Variants in STK4 observed in about 807,000 individuals in gnomAD.
STK4 encodes the protein serine/threonine-protein kinase 4.
In STK4, 30 loss-of-function variants were observed where a neutral mutation model predicts 64.9. That is an observed-to-expected ratio of 0.46 (90% CI 0.35 to 0.63). The LOEUF (loss-of-function observed/expected upper bound fraction) is 0.63. STK4 is among the 20% of genes least tolerant of loss of function. The pLI is 0.01. For missense variants in STK4, 466 were observed against 598.5 expected, an observed-to-expected ratio of 0.78 and a Z score of 2.31; for synonymous variants, 177 against 199.0, an observed-to-expected ratio of 0.89 and a Z score of 0.93.
At chr20:45,046,623 A>C (rs553166418) in intron 10 of STK4, among the ~76,000 whole-genome samples, 1 of 147,768 alleles carries the variant, frequency 6.8e-6, no homozygotes, top group Admixed American at 6.7e-5. Flanking sequence ...TCTGTTATCT[A>C]TTGTCTAATC....
intron 9 of STK4, among the ~76,000 whole-genome samples, chr20:45,002,407 C>G (rs1031144409): frequency 2.0e-5 from 3 of 152,138 alleles, no homozygotes; most frequent in Admixed American, 1.3e-4. Flanking sequence ...TTTAGCATGT[C>G]TAATGAGAAA....
At chr20:45,014,296 C>G (rs570578335) in intron 9 of STK4, among the ~76,000 whole-genome samples, 1 of 148,204 alleles carries the variant, frequency 6.7e-6, no homozygotes, top group Admixed American at 6.6e-5. Flanking sequence ...TGTAGTGGGG[C>G]GTGCCTGTAA....
At chr20:45,033,312 A>G (rs1464763251) in intron 10 of STK4, among the ~76,000 whole-genome samples, 1 of 152,108 alleles carries the variant, frequency 6.6e-6, no homozygotes, top group African/African-American at 2.4e-5. Flanking sequence ...TTCTGTTACA[A>G]TTGCTTTTGT....
chr20:45,068,847 A>T (rs2145480250), intron 10 of STK4, among the ~76,000 whole-genome samples: 1 of 152,372 alleles, frequency 6.6e-6, no homozygotes, highest in South Asian at 2.1e-4. Flanking sequence ...TGGTGAAGTA[A>T]TTAACATACT....
At chr20:45,038,524 C>T (rs2068562733) in intron 10 of STK4, among the ~76,000 whole-genome samples, 1 of 151,982 alleles carries the variant, frequency 6.6e-6, no homozygotes, top group African/African-American at 2.4e-5. Flanking sequence ...TTCTGCTACC[C>T]CTGCTCGTGT....
chr20:45,002,283 A>G (rs2067855674), intron 9 of STK4, among the ~76,000 whole-genome samples: 3 of 152,214 alleles, frequency 2.0e-5, no homozygotes, highest in African/African-American at 7.2e-5. Flanking sequence ...AATTGTGCCC[A>G]TTTTTATTTA....
intron 2 of STK4, among the ~76,000 whole-genome samples, chr20:44,977,308 T>A (rs1023339531): frequency 1.3e-5 from 2 of 152,256 alleles, no homozygotes; most frequent in African/African-American, 4.8e-5. Context: ...TACTTTCACA[T>A]TGAAACAGTT....
chr20:45,021,573 T>C (rs1198601199), intron 9 of STK4, among the ~76,000 whole-genome samples: 1 of 152,232 alleles, frequency 6.6e-6, no homozygotes, highest in Non-Finnish European at 1.5e-5. Flanking sequence ...ATCAGTCAGT[T>C]CATTCAGTTT....
chr20:44,981,693 G>T, intron 3 of STK4, 136 bp from the exon 4 acceptor site: 1 of 526,170 alleles, frequency 1.9e-6, no homozygotes, highest in Non-Finnish European at 3.3e-6. Context: ...TTCTTATCAG[G>T]AGGTTGTCCA....
intron 10 of STK4, among the ~76,000 whole-genome samples, chr20:45,041,770 C>T (rs944437954): frequency 2.6e-5 from 4 of 151,812 alleles, no homozygotes; most frequent in African/African-American, 9.7e-5. Flanking sequence ...ATAAAGCAGC[C>T]CCTAAGACTC....
At chr20:44,968,390 G>C (rs1304337264) in intron 1 of STK4, among the ~76,000 whole-genome samples, 1 of 152,206 alleles carries the variant, frequency 6.6e-6, no homozygotes, top group East Asian at 1.9e-4. Flanking sequence ...GCCCACCTTG[G>C]CTTCTCAAAG....
chr20:45,022,212 A>G (rs1408745216), intron 9 of STK4, among the ~76,000 whole-genome samples: 4 of 152,212 alleles, frequency 2.6e-5, no homozygotes, highest in African/African-American at 9.6e-5. Context: ...TCTAATACAT[A>G]TGTGCATTTT....
chr20:45,024,265 A>G (rs2068304131), intron 9 of STK4, among the ~76,000 whole-genome samples: 1 of 151,844 alleles, frequency 6.6e-6, no homozygotes, highest in Non-Finnish European at 1.5e-5. Context: ...TCCTACTACC[A>G]GAGATAAACC....
At chr20:45,027,484 A>T (rs991488031) in intron 10 of STK4, among the ~76,000 whole-genome samples, 3 of 151,850 alleles carry the variant, frequency 2.0e-5, no homozygotes, top group Admixed American at 6.6e-5. Flanking sequence ...AGTCACTTTA[A>T]TCCTTTTTAA....
In STK4 at chr20:45,043,448, A is replaced by G. The variant is rs527612475; in HGVS notation, c.1305+18318A>G. ...TCAGCGTTCAAATCCTGACTTCACCATTTGCTGAGTAGCTGTGGGCCACTT... is the reference window on the plus strand; with the variant it reads ...TCAGCGTTCAAATCCTGACTTCACCGTTTGCTGAGTAGCTGTGGGCCACTT... On this transcript the variant is annotated intron_variant, in intron 10 of 10. Coordinates refer to ENST00000372806, the MANE Select transcript of STK4 (RefSeq NM_006282.5). 7.9e-5 allele frequency among the ~76,000 whole-genome samples: 12 copies of G among 152,276 alleles called. No individual in the cohort carries two copies. The South Asian group carries it at 2.5e-3, about 32-fold the overall frequency.
Position 44,980,355 on chromosome 20 carries a change from T to G in STK4, c.246-1474T>G, listed in dbSNP as rs1055948665. On this transcript the variant is annotated intron_variant, in intron 3 of 10. Transcript: ENST00000372806. Reference sequence around the variant, plus strand: ...GGAAATTGTAAGAGTTCTGAGTTAATGAAGCCAATTTGGTTTTAACATCAG... The same window carrying G: ...GGAAATTGTAAGAGTTCTGAGTTAAGGAAGCCAATTTGGTTTTAACATCAG... 2.6e-5 allele frequency among the ~76,000 whole-genome samples: 4 copies of G among 152,240 alleles called. No homozygotes were observed. In the East Asian group the frequency reaches 7.7e-4, roughly 29 times the overall value.
At chr20:45,053,150 T>C in intron 10 of STK4, 1 of 1,612,834 alleles carries the variant, frequency 6.2e-7, no homozygotes, top group South Asian at 1.1e-5. Context: ...GGAAACCTGC[T>C]GTGTAGATAC....
chr20:44,966,744 C>A, intron 1 of STK4, 141 bp downstream of exon 1: 1 of 1,016,044 alleles, frequency 9.8e-7, no homozygotes, highest in Non-Finnish European at 1.3e-6. Context: ...AGGGGGGGGA[C>A]GTCTGGTGGG....
In STK4 at chr20:44,995,275, A is replaced by G. The variant is rs1360371664; in HGVS notation, c.693+18A>G. 6.2e-7 allele frequency: 1 copy of G among 1,603,146 alleles called. No homozygotes were observed. Among genetic ancestry groups the G allele is most frequent in the South Asian group, 1.1e-5 (1 of 89,328 alleles). On this transcript the variant is annotated intron_variant, in intron 6 of 10. Transcript: ENST00000372806. The stretch of plus-strand genomic sequence containing the variant: ...CAATGAGGGTAAGAAAGTGGACAGA[A>G]AGCCAGTGGGGTGGTTAGTTACTGA...
Sources: allele counts gnomAD v4.1 joint callset (sites outside exome capture counted in the v4.1 genomes callset), GRCh38; gene constraint gnomAD v4.1.1; transcripts MANE v1.5; gene names NCBI Gene and HGNC (gene_info 2026-07-23, HGNC 2026-07-21).